Variants in VCAN observed in about 807,000 individuals in gnomAD.
VCAN encodes versican, also known as versican core protein.
In VCAN, 44 loss-of-function variants were observed where a neutral mutation model predicts 245.5. The ratio of observed to expected loss-of-function variants is 0.18; its 90% CI spans 0.14 to 0.23. The LOEUF is 0.23. Among genes scored for constraint, VCAN ranks in the 10% least tolerant of loss-of-function variants. The probability of loss-of-function intolerance (pLI) is 1.00; values close to 1 mark genes in which losing one functional copy is unlikely to be tolerated. For missense variants in VCAN, 3,793 were observed against 4,057.9 expected, an observed-to-expected ratio of 0.93 and a Z score of 1.77; for synonymous variants, 1,413 against 1,437.0, an observed-to-expected ratio of 0.98 and a Z score of 0.38.
chr5:83,511,849 T>C (rs1745670602), intron 5 of VCAN, among the ~76,000 whole-genome samples: 1 of 152,194 alleles, frequency 6.6e-6, no homozygotes, highest in South Asian at 2.1e-4. Context: ...AATGACTGAT[T>C]CTATGGCCAA....
At chr5:83,513,669 A>T (rs1745745539) in intron 6 of VCAN, among the ~76,000 whole-genome samples, 1 of 152,222 alleles carries the variant, frequency 6.6e-6, no homozygotes, top group Admixed American at 6.5e-5. Flanking sequence ...GAAACAACAG[A>T]ATTCTTCCTT....
chr5:83,576,665 G>A (rs1049126407), intron 13 of VCAN, among the ~76,000 whole-genome samples: 5 of 151,968 alleles, frequency 3.3e-5, no homozygotes, highest in Non-Finnish European at 7.4e-5. Context: ...CAAAGTGGTG[G>A]TACCAATTTT....
At chr5:83,530,203 T>C (rs1489148680) in intron 7 of VCAN, among the ~76,000 whole-genome samples, 4 of 151,974 alleles carry the variant, frequency 2.6e-5, no homozygotes, top group Non-Finnish European at 5.9e-5. Context: ...GTTGGGCTTA[T>C]GATTTTGATA....
intron 12 of VCAN, among the ~76,000 whole-genome samples, chr5:83,561,865 C>T (rs1747879306): frequency 6.6e-6 from 1 of 152,138 alleles, no homozygotes; most frequent in African/African-American, 2.4e-5. Context: ...CTTCCTCTCC[C>T]AGATGTCTTG....
intron 1 of VCAN, among the ~76,000 whole-genome samples, chr5:83,477,347 A>G (rs1744426518): frequency 6.6e-6 from 1 of 152,184 alleles, no homozygotes. Context: ...TTCATTAATC[A>G]GAAGACAGGT....
intron 9 of VCAN, among the ~76,000 whole-genome samples, chr5:83,546,926 AT>A (rs1747249742): frequency 6.6e-6 from 1 of 152,206 alleles, no homozygotes; most frequent in African/African-American, 2.4e-5. Flanking sequence ...AAAGTCACTA[AT>A]TTCATCAGGG....
intron 12 of VCAN, among the ~76,000 whole-genome samples, chr5:83,563,766 T>C (rs1178048001): frequency 6.6e-6 from 1 of 152,136 alleles, no homozygotes; most frequent in African/African-American, 2.4e-5. Context: ...AGAAGTCAGC[T>C]CTTACTGCAG....
chr5:83,488,016 T>C (rs1266940616), intron 2 of VCAN, among the ~76,000 whole-genome samples: 5 of 152,228 alleles, frequency 3.3e-5, no homozygotes, highest in Non-Finnish European at 7.4e-5. Context: ...ATTTTTGCAT[T>C]TGAAAATAGT....
intron 1 of VCAN, among the ~76,000 whole-genome samples, chr5:83,482,902 A>G (rs1440601733): frequency 1.3e-5 from 2 of 152,204 alleles, no homozygotes; most frequent in African/African-American, 2.4e-5. Flanking sequence ...ACACCTCCTT[A>G]TAATACATTT....
rs72771205 is a variant in VCAN, at chr5:83,482,468, G to A, written c.-6-1045G>A. On this transcript the variant is annotated intron_variant, in intron 1 of 14. Coordinates refer to ENST00000265077, the MANE Select transcript of VCAN (RefSeq NM_004385.5). ...ATCCCTTGGGCTGGGGTTTGACCCA[G>A]GATTCTCCAAAGTATGTGACTGAGG... 4.3e-3 allele frequency among the ~76,000 whole-genome samples: 662 copies of A among 152,308 alleles called. 3 individuals carry two copies. The highest frequency in any genetic ancestry group is 6.8e-3 in the Middle Eastern group (2 of 294).
chr5:83,504,659 G>C (rs1055652660), intron 5 of VCAN, among the ~76,000 whole-genome samples: 6 of 152,140 alleles, frequency 3.9e-5, no homozygotes, highest in Non-Finnish European at 7.4e-5. Flanking sequence ...TAGGATTACA[G>C]GCATGAGCCA....
rs1316376386 is a variant in VCAN, at chr5:83,539,595, G to A, written c.6592G>A (p.Glu2198Lys). The A allele has an allele frequency of 6.2e-7, 1 of 1,614,046 alleles. No individual in the cohort carries two copies. Among genetic ancestry groups the A allele is most frequent in the Admixed American group, 1.7e-5 (1 of 59,992 alleles). The change falls in exon 8 of 15, where the codon GAA (glutamate) becomes AAA (lysine). Residue 2198 changes from glutamate to lysine, a missense_variant. Transcript: ENST00000265077. ...NGLESYTTLP[E>K]ATEKSHFFLA... ...CTTGGAATCTTACACAACTCTCCCT[G>A]AAGCTACTGAAAAGTCACATTTTTT...
chr5:83,579,050 G>A (rs1268267439), intron 13 of VCAN, among the ~76,000 whole-genome samples: 1 of 152,062 alleles, frequency 6.6e-6, no homozygotes. Context: ...TGTCTCAGGA[G>A]TTTTAATTTA....
At chr5:83,518,403 A>G (rs1486308635) in intron 6 of VCAN, among the ~76,000 whole-genome samples, 1 of 152,174 alleles carries the variant, frequency 6.6e-6, no homozygotes, top group Non-Finnish European at 1.5e-5. Context: ...GCATTTTATG[A>G]TGACAGGTTA....
intron 12 of VCAN, among the ~76,000 whole-genome samples, chr5:83,570,320 A>T (rs144196303): frequency 1.5e-4 from 23 of 152,126 alleles, no homozygotes; most frequent in African/African-American, 5.5e-4. Flanking sequence ...TTGCAAGTTT[A>T]TCACTCTTCA....
chr5:83,536,458 C>G (rs546742072), intron 7 of VCAN: 1 of 152,516 alleles, frequency 6.6e-6, no homozygotes, highest in African/African-American at 2.4e-5. Context: ...TGCTCTAGAA[C>G]AGATTATAAA....
chr5:83,553,567 T>C, intron 11 of VCAN, 45 bp downstream of exon 11: 14 of 1,612,814 alleles, frequency 8.7e-6, no homozygotes, highest in Non-Finnish European at 1.1e-5. Context: ...TCACTTCTCA[T>C]CACTCTCTTA....
intron 13 of VCAN, among the ~76,000 whole-genome samples, chr5:83,577,453 G>A (rs966848574): frequency 2.0e-5 from 3 of 152,158 alleles, no homozygotes; most frequent in Admixed American, 2.0e-4. Context: ...GGTCTGAGGA[G>A]TTGCCCTCCC....
At chr5:83,564,056 C>G (rs1747981144) in intron 12 of VCAN, among the ~76,000 whole-genome samples, 1 of 152,134 alleles carries the variant, frequency 6.6e-6, no homozygotes, top group Admixed American at 6.6e-5. Context: ...GATAGAATGG[C>G]TTGCAACAGA....
Sources: allele counts gnomAD v4.1 joint callset (sites outside exome capture counted in the v4.1 genomes callset), GRCh38; gene constraint gnomAD v4.1.1; transcripts MANE v1.5; gene names NCBI Gene and HGNC (gene_info 2026-07-23, HGNC 2026-07-21).